The following MCPH1 variants were observed in gnomAD, a reference collection of about 807,000 sequenced individuals.
MCPH1 encodes the protein microcephalin 1.
MCPH1 carries 104 observed loss-of-function variants against 84.5 expected under a neutral mutation model. The observed-to-expected ratio is 1.23, with a 90% CI of 1.05 to 1.45. The LOEUF is 1.45. Among genes scored for constraint, MCPH1 ranks in the 40% most tolerant of loss-of-function variants. MCPH1 has a pLI of 0.00. For missense variants in MCPH1, 1,498 were observed against 1,005.7 expected (o/e 1.49, Z -6.62); for synonymous variants, 514 against 366.8 (o/e 1.40, Z -4.58).
chr8:6,541,044 T>C (rs2922871), intron 12 of MCPH1, among the ~76,000 whole-genome samples: 123,505 of 152,002 alleles, frequency 0.81, 50,346 homozygotes, highest in Middle Eastern at 0.85. Flanking sequence ...GAGGAGGCTC[T>C]CATGGGTGTC....
At chr8:6,461,702 C>T (rs1310340823) in intron 9 of MCPH1, among the ~76,000 whole-genome samples, 1 of 152,136 alleles carries the variant, frequency 6.6e-6, no homozygotes, top group African/African-American at 2.4e-5. Context: ...TCTTAGCTTG[C>T]AGCATGTAGG....
intron 12 of MCPH1, among the ~76,000 whole-genome samples, chr8:6,528,608 T>C (rs1818833095): frequency 6.6e-6 from 1 of 152,266 alleles, no homozygotes; most frequent in Non-Finnish European, 1.5e-5. Context: ...CTTTGTGAGC[T>C]ACTGCGTGGC....
chr8:6,521,230 A>G (rs1401428943), intron 12 of MCPH1: 4 of 1,613,842 alleles, frequency 2.5e-6, no homozygotes, highest in Non-Finnish European at 3.4e-6. Flanking sequence ...CCATGAGATC[A>G]TGTTGCTGCT....
At chr8:6,628,456 T>A (rs1312723943) in intron 13 of MCPH1, among the ~76,000 whole-genome samples, 2 of 98,460 alleles carry the variant, frequency 2.0e-5, no homozygotes, top group African/African-American at 8.5e-5. Context: ...GGCAACAGAG[T>A]AAGACTCTGT....
chr8:6,559,732 G>T (rs1003185056), intron 12 of MCPH1, among the ~76,000 whole-genome samples: 3 of 152,152 alleles, frequency 2.0e-5, no homozygotes, highest in Non-Finnish European at 4.4e-5. Flanking sequence ...TAAATTATTT[G>T]TGAGTTTTTA....
At chr8:6,563,419 T>C (rs890090640) in intron 12 of MCPH1, 1 of 154,420 alleles carries the variant, frequency 6.5e-6, no homozygotes, top group East Asian at 1.9e-4. Context: ...GGACCCATGC[T>C]GCAGAAACCC....
intron 12 of MCPH1, among the ~76,000 whole-genome samples, chr8:6,544,011 C>T (rs1422047563): frequency 6.6e-6 from 1 of 152,154 alleles, no homozygotes; most frequent in South Asian, 2.1e-4. Context: ...TAGATCTGAT[C>T]AGCAGTAGAA....
intron 12 of MCPH1, among the ~76,000 whole-genome samples, chr8:6,613,040 G>A (rs569903712): frequency 1.3e-5 from 2 of 152,360 alleles, no homozygotes; most frequent in East Asian, 1.9e-4. Context: ...TTGAGAAGGC[G>A]AGAGGCATGG....
chr8:6,444,786 A>G lies in MCPH1; in HGVS notation c.1064A>G (p.Lys355Arg). 6.2e-7 allele frequency: 1 copy of G among 1,614,088 alleles called. No individual in the cohort carries two copies. The highest frequency in any genetic ancestry group is 1.1e-5 in the South Asian group (1 of 91,082). The change falls in exon 8 of 14, where the codon AAG becomes AGG. Residue 355 changes from lysine (K) to arginine (R), a missense_variant. Coordinates refer to ENST00000344683, the MANE Select transcript of MCPH1 (RefSeq NM_024596.5). ...IHSRPRSSSV[K>R]RKRVSHGSHS... ...TCAAGACCCAGGAGTTCCTCAGTAA[A>G]GAGAAAAAGAGTATCACATGGCTCC...
At chr8:6,611,795 T>A (rs1475579870) in intron 12 of MCPH1, among the ~76,000 whole-genome samples, 1 of 152,144 alleles carries the variant, frequency 6.6e-6, no homozygotes, top group Admixed American at 6.5e-5. Context: ...ATTTTTTGTA[T>A]TTTTAGCGGA....
chr8:6,498,227 A>T (rs960915125), intron 11 of MCPH1, among the ~76,000 whole-genome samples: 5 of 152,232 alleles, frequency 3.3e-5, no homozygotes, highest in Admixed American at 3.3e-4. Context: ...TGCCCTTCTT[A>T]TAAGAAATAT....
In MCPH1 at chr8:6,444,796, A is replaced by T; in HGVS notation, c.1074A>T (p.Arg358Ser). The change falls in exon 8 of 14, where the codon AGA becomes AGT. Residue 358 changes from arginine to serine, a missense_variant. Arg to Ser is a moderately radical substitution (Grantham distance 110). Coordinates refer to ENST00000344683, the MANE Select transcript of MCPH1 (RefSeq NM_024596.5). ...RPRSSSVKRK[R>S]VSHGSHSPPK... is the part of the protein sequence containing the mutation. ...GGAGTTCCTCAGTAAAGAGAAAAAGAGTATCACATGGCTCCCATTCACCTC... is the reference window on the plus strand; with the variant it reads ...GGAGTTCCTCAGTAAAGAGAAAAAGTGTATCACATGGCTCCCATTCACCTC... 1 of 1,614,116 alleles carries T rather than the reference A, an allele frequency of 6.2e-7. No individual in the cohort carries two copies. Among genetic ancestry groups the T allele is most frequent in the East Asian group, 2.2e-5 (1 of 44,866 alleles).
At chr8:6,411,114 G>C (rs1231738002) in intron 2 of MCPH1, among the ~76,000 whole-genome samples, 13 of 152,054 alleles carry the variant, frequency 8.5e-5, no homozygotes, top group African/African-American at 2.7e-4. Context: ...ATAGGCACTA[G>C]TAGGATCCGA....
intron 12 of MCPH1, among the ~76,000 whole-genome samples, chr8:6,604,467 A>T (rs920061562): frequency 6.6e-6 from 1 of 152,244 alleles, no homozygotes; most frequent in Non-Finnish European, 1.5e-5. Flanking sequence ...AATACAGTGG[A>T]ATGTGAGAGC....
At position 6,445,198 on chromosome 8, in the gene MCPH1, C is replaced by A; in HGVS notation, c.1476C>A (p.Gly492=). 6.2e-7 allele frequency: 1 copy of A among 1,614,226 alleles called. No individual in the cohort carries two copies. Among genetic ancestry groups the A allele is most frequent in the Non-Finnish European group, 8.5e-7 (1 of 1,180,046 alleles). The change falls in exon 8 of 14, where the codon GGC becomes GGA. Residue 492 remains glycine, a synonymous_variant. Coordinates refer to ENST00000344683, the MANE Select transcript of MCPH1 (RefSeq NM_024596.5). ...CTCGGAAAACTGGAAATGGTGAAGG[C>A]CGTGCAACTTCGAGTTGCGTGACTT... ...SSPRKTGNGE[G]RATSSCVTSA... is the part of the protein sequence containing the mutation.
At chr8:6,527,252 G>A (rs145476169) in intron 12 of MCPH1, among the ~76,000 whole-genome samples, 79 of 151,966 alleles carry the variant, frequency 5.2e-4, no homozygotes, top group African/African-American at 1.8e-3. Flanking sequence ...TCACTCCACA[G>A]CACTAGCTGT....
At chr8:6,410,611 G>A (rs146387841) in intron 2 of MCPH1, among the ~76,000 whole-genome samples, 1,779 of 152,192 alleles carry the variant, frequency 0.012, 11 homozygotes, top group South Asian at 0.04. Flanking sequence ...TTTTGCCCAC[G>A]CACACTAAAC....
intron 13 of MCPH1, among the ~76,000 whole-genome samples, chr8:6,632,708 C>G (rs993922446): frequency 2.0e-5 from 3 of 152,030 alleles, no homozygotes; most frequent in Non-Finnish European, 2.9e-5. Flanking sequence ...ACTCGGGAGG[C>G]TGAGGCAGGA....
At chr8:6,528,041 G>C (rs1818713586) in intron 12 of MCPH1, among the ~76,000 whole-genome samples, 1 of 150,824 alleles carries the variant, frequency 6.6e-6, no homozygotes, top group Non-Finnish European at 1.5e-5. Flanking sequence ...GATTACAGGT[G>C]CGTACCACCA....
Sources: gnomAD v4.1 joint callset for allele counts (sites outside exome capture counted in the v4.1 genomes callset) on GRCh38, gnomAD v4.1.1 for gene constraint, MANE v1.5 for transcripts, NCBI Gene and HGNC (gene_info 2026-07-23, HGNC 2026-07-21) for gene names.